The following ZCCHC7 variants were observed in gnomAD, a reference collection of about 807,000 sequenced individuals.
The protein encoded by ZCCHC7 is zinc finger CCHC-type containing 7.
In ZCCHC7, 35 loss-of-function variants were observed where a neutral mutation model predicts 52.0. That is an observed-to-expected ratio of 0.67 (90% CI 0.51 to 0.89). The LOEUF (loss-of-function observed/expected upper bound fraction) is 0.89, where lower values mean the gene tolerates loss of function less well. Among genes scored for constraint, ZCCHC7 ranks in the 40% least tolerant of loss-of-function variants. ZCCHC7 has a pLI of 0.00. For missense variants in ZCCHC7, 574 were observed against 649.1 expected, an observed-to-expected ratio of 0.88 and a Z score of 1.26; for synonymous variants, 217 against 221.5, an observed-to-expected ratio of 0.98 and a Z score of 0.18.
At chr9:37,163,617 G>A (rs892065066) in intron 2 of ZCCHC7, among the ~76,000 whole-genome samples, 1 of 152,132 alleles carries the variant, frequency 6.6e-6, no homozygotes, top group Admixed American at 6.5e-5. Context: ...TTTGCAAACT[G>A]TCCAGTCTTT....
At chr9:37,252,744 C>T (rs1826390019) in intron 2 of ZCCHC7, among the ~76,000 whole-genome samples, 1 of 152,144 alleles carries the variant, frequency 6.6e-6, no homozygotes, top group African/African-American at 2.4e-5. Flanking sequence ...CTTAATACTG[C>T]TTTCTCACCT....
chr9:37,136,286 G>T (rs1316019600), intron 2 of ZCCHC7, among the ~76,000 whole-genome samples: 1 of 152,186 alleles, frequency 6.6e-6, no homozygotes, highest in East Asian at 1.9e-4. Context: ...AAAGAAAAAT[G>T]AGATATTGGG....
At chr9:37,156,242 T>C (rs1820806830) in intron 2 of ZCCHC7, among the ~76,000 whole-genome samples, 1 of 152,214 alleles carries the variant, frequency 6.6e-6, no homozygotes, top group Non-Finnish European at 1.5e-5. Context: ...TAAATTTCTG[T>C]TTTCTTTGAT....
At chr9:37,151,335 TGA>T (rs1167890065) in intron 2 of ZCCHC7, among the ~76,000 whole-genome samples, 3 of 152,192 alleles carry the variant, frequency 2.0e-5, no homozygotes, top group African/African-American at 7.2e-5. Flanking sequence ...TCTTTCTCAG[TGA>T]GAGTAAACCT....
At chr9:37,198,645 C>G (rs1223216446) in intron 2 of ZCCHC7, among the ~76,000 whole-genome samples, 2 of 152,182 alleles carry the variant, frequency 1.3e-5, no homozygotes, top group Admixed American at 1.3e-4. Flanking sequence ...AGTTGGCATA[C>G]TTATGTTGTC....
intron 2 of ZCCHC7, among the ~76,000 whole-genome samples, chr9:37,269,642 A>AAG (rs1827303673): frequency 6.7e-6 from 1 of 148,836 alleles, no homozygotes; most frequent in African/African-American, 2.5e-5. Flanking sequence ...AAAAAAAAAA[A>AAG]AAAACAAAAG....
At chr9:37,282,555 AG>A (rs1157256703) in intron 2 of ZCCHC7, among the ~76,000 whole-genome samples, 4 of 150,054 alleles carry the variant, frequency 2.7e-5, no homozygotes, top group Non-Finnish European at 4.4e-5. Flanking sequence ...CAGTGAGCCA[AG>A]ATCCTGCCAC....
intron 2 of ZCCHC7, among the ~76,000 whole-genome samples, chr9:37,283,231 A>C (rs1388159591): frequency 1.3e-5 from 2 of 152,150 alleles, no homozygotes; most frequent in Non-Finnish European, 2.9e-5. Flanking sequence ...ATTTGGGAGA[A>C]ATAAAGATAG....
At position 37,356,944 on chromosome 9, in the gene ZCCHC7, C is replaced by T; in HGVS notation, c.1308C>T (p.Ser436=). 1 of 1,613,858 alleles carries T rather than the reference C, an allele frequency of 6.2e-7. No individual in the cohort carries two copies. The highest frequency in any genetic ancestry group is 8.5e-7 in the Non-Finnish European group (1 of 1,179,946). ...DIRKGRASWK[S]NRWPQENKET... ...GGAAGGGCCGTGCCTCATGGAAAAG[C>T]AACAGGTGGCCTCAAGAAAATAAAG... Residue 436 remains serine (S), a synonymous_variant, in exon 9 of 9, where the codon AGC becomes AGT. Transcript: ENST00000336755.
At chr9:37,127,986 C>T (rs10973224) in intron 2 of ZCCHC7, among the ~76,000 whole-genome samples, 1 of 151,980 alleles carries the variant, frequency 6.6e-6, no homozygotes, top group Admixed American at 6.6e-5. Context: ...AACAGGTGGC[C>T]GGCTCAGGCT....
At chr9:37,351,333 C>G (rs1358165222) in intron 7 of ZCCHC7, among the ~76,000 whole-genome samples, 1 of 152,034 alleles carries the variant, frequency 6.6e-6, no homozygotes, top group African/African-American at 2.4e-5. Context: ...GTAGTGAAGA[C>G]TTTTTTTGAG....
At chr9:37,163,320 G>A (rs1821213674) in intron 2 of ZCCHC7, among the ~76,000 whole-genome samples, 1 of 150,090 alleles carries the variant, frequency 6.7e-6, no homozygotes, top group Non-Finnish European at 1.5e-5. Context: ...CCTAGGAGGC[G>A]GAGGTTGCAG....
chr9:37,278,036 G>GTGT (rs1159152462), intron 2 of ZCCHC7, among the ~76,000 whole-genome samples: 4,591 of 97,808 alleles, frequency 0.047, 164 homozygotes, highest in African/African-American at 0.14. Context: ...GTGTGTGTGT[G>GTGT]TTTTGTTTTG....
At chr9:37,180,488 T>G (rs2133044321) in intron 2 of ZCCHC7, among the ~76,000 whole-genome samples, 1 of 152,218 alleles carries the variant, frequency 6.6e-6, no homozygotes, top group East Asian at 1.9e-4. Context: ...ATTTGTTTTC[T>G]GAAAATTGCT....
At chr9:37,271,453 A>C (rs1406395989) in intron 2 of ZCCHC7, among the ~76,000 whole-genome samples, 1 of 152,214 alleles carries the variant, frequency 6.6e-6, no homozygotes, top group Non-Finnish European at 1.5e-5. Flanking sequence ...TAAAGCATAT[A>C]TATTTATCAG....
rs191742310 is a variant in ZCCHC7 at position 37,285,687 on chromosome 9, A to G, written c.611-16501A>G. Among the ~76,000 whole-genome samples the G allele has an allele frequency of 2.0e-4, 31 of 152,356 alleles. 1 individual carries two copies. In the East Asian group the frequency reaches 5.6e-3, roughly 27 times the overall value. ...GCTGCTTATATAAATAGAAGAGTTA[A>G]CCAGTGACTCAGACAGATGACAATT... On this transcript the variant is annotated intron_variant, in intron 2 of 8. Coordinates refer to ENST00000336755, the MANE Select transcript of ZCCHC7 (RefSeq NM_032226.3).
intron 2 of ZCCHC7, among the ~76,000 whole-genome samples, chr9:37,210,808 T>G (rs932041572): frequency 6.6e-6 from 1 of 152,244 alleles, no homozygotes; most frequent in South Asian, 2.1e-4. Flanking sequence ...CCTCAACCTT[T>G]AGGCTTTAAT....
intron 5 of ZCCHC7, among the ~76,000 whole-genome samples, chr9:37,307,749 G>A (rs1206628643): frequency 6.6e-6 from 1 of 151,958 alleles, no homozygotes; most frequent in South Asian, 2.1e-4. Context: ...TAGAGTATGA[G>A]TGTTTGGTAT....
chr9:37,250,022 T>G (rs1826251709), intron 2 of ZCCHC7, among the ~76,000 whole-genome samples: 2 of 138,016 alleles, frequency 1.4e-5, no homozygotes, highest in Non-Finnish European at 2.9e-5. Context: ...TTCTGATTCC[T>G]GTTCTTCTAA....
Sources: allele counts gnomAD v4.1 joint callset (sites outside exome capture counted in the v4.1 genomes callset), GRCh38; gene constraint gnomAD v4.1.1; transcripts MANE v1.5; gene names NCBI Gene and HGNC (gene_info 2026-07-23, HGNC 2026-07-21).